Variants in IL10RB observed in about 807,000 individuals in gnomAD.
IL10RB encodes the protein interleukin-10 receptor subunit beta.
In IL10RB, 30 loss-of-function variants were observed where a neutral mutation model predicts 38.7. The ratio of observed to expected loss-of-function variants is 0.78; its 90% CI spans 0.58 to 1.05. IL10RB has a LOEUF of 1.05. IL10RB is among the 50% of genes least tolerant of loss of function. IL10RB has a pLI of 0.00. For synonymous variants in IL10RB, 142 were observed against 145.9 expected, an observed-to-expected ratio of 0.97 and a Z score of 0.19; for missense variants, 328 against 397.1, an observed-to-expected ratio of 0.83 and a Z score of 1.48.
At chr21:33,279,315 T>C (rs1989237282) in intron 3 of IL10RB, among the ~76,000 whole-genome samples, 1 of 152,178 alleles carries the variant, frequency 6.6e-6, no homozygotes, top group Admixed American at 6.5e-5. Flanking sequence ...TAATTATATA[T>C]GTTAAACATG....
chr21:33,270,030 A>G (rs977464158), intron 2 of IL10RB, among the ~76,000 whole-genome samples: 2 of 152,148 alleles, frequency 1.3e-5, no homozygotes, highest in Non-Finnish European at 2.9e-5. Flanking sequence ...TTGTGCTGTA[A>G]TATTTCACTG....
chr21:33,288,585 C>A (rs1989425384), intron 6 of IL10RB, among the ~76,000 whole-genome samples: 2 of 151,958 alleles, frequency 1.3e-5, no homozygotes, highest in African/African-American at 4.8e-5. Context: ...GGTTCTAGGG[C>A]AGGAGGGGAA....
intron 2 of IL10RB, among the ~76,000 whole-genome samples, chr21:33,268,785 A>T (rs1989021494): frequency 6.6e-6 from 1 of 152,186 alleles, no homozygotes; most frequent in South Asian, 2.1e-4. Context: ...ATGCGTATGT[A>T]GATATAATCA....
downstream of IL10RB, among the ~76,000 whole-genome samples, chr21:33,299,934 G>C (rs1441725103): frequency 1.3e-5 from 2 of 152,126 alleles, no homozygotes; most frequent in Admixed American, 6.5e-5. Flanking sequence ...ATTACCTTGT[G>C]CTTCCACAGG....
At chr21:33,302,762 A>C (rs1001803967) in intron 1 of IL10RB, among the ~76,000 whole-genome samples, 1 of 151,964 alleles carries the variant, frequency 6.6e-6, no homozygotes, top group Admixed American at 6.6e-5. Flanking sequence ...CGAGGGGGGG[A>C]TATTTCAGGT....
intron 1 of IL10RB, chr21:33,268,082 T>A: frequency 1.9e-6 from 1 of 533,482 alleles, no homozygotes; most frequent in South Asian, 2.0e-5. Flanking sequence ...GTCTCCAGTT[T>A]GTTTTTACGT....
intron 5 of IL10RB, among the ~76,000 whole-genome samples, chr21:33,284,028 G>T (rs200989724): frequency 6.6e-6 from 1 of 152,328 alleles, no homozygotes; most frequent in East Asian, 1.9e-4. Flanking sequence ...GGACGTGGTG[G>T]CTCACGCCTG....
intron 6 of IL10RB, among the ~76,000 whole-genome samples, chr21:33,292,686 C>T (rs1315896681): frequency 6.6e-6 from 1 of 152,166 alleles, no homozygotes; most frequent in East Asian, 1.9e-4. Flanking sequence ...CAGATGGCCC[C>T]GCCTGACCCC....
chr21:33,287,104 TC>T (rs986800700), intron 5 of IL10RB, among the ~76,000 whole-genome samples: 17 of 151,924 alleles, frequency 1.1e-4, no homozygotes, highest in Non-Finnish European at 2.4e-4. Flanking sequence ...GAGAAAAATA[TC>T]CCTGCGTTGT....
chr21:33,294,077 TCA>T, intron 6 of IL10RB: 2 of 470,964 alleles, frequency 4.2e-6, no homozygotes, highest in Non-Finnish European at 8.8e-6. Flanking sequence ...GCATAAGCTC[TCA>T]CCTCCGAGGC....
In IL10RB at chr21:33,279,770, G is replaced by A; in HGVS notation, c.350G>A (p.Gly117Glu). Residue 117 changes from glycine (G) to glutamate (E), a missense_variant, in exon 4 of 7, where the codon GGA becomes GAA. Transcript: ENST00000290200. ...PVDDTIIGPP[G>E]MQVEVLADSL... is the part of the protein sequence containing the mutation. Reference sequence around the variant, plus strand: ...TGCTTAGCCATTATTGGACCCCCTGGAATGCAAGTAGAAGTACTTGCTGAT... The same window carrying A: ...TGCTTAGCCATTATTGGACCCCCTGAAATGCAAGTAGAAGTACTTGCTGAT... 6.2e-7 allele frequency: 1 copy of A among 1,613,898 alleles called. No homozygotes were observed. Among genetic ancestry groups the A allele is most frequent in the Non-Finnish European group, 8.5e-7 (1 of 1,179,810 alleles).
intron 2 of IL10RB, among the ~76,000 whole-genome samples, chr21:33,272,904 T>G (rs185012180): frequency 1.3e-5 from 2 of 152,346 alleles, no homozygotes. Flanking sequence ...CACTTCACTT[T>G]CTGTCATGTT....
intron 1 of IL10RB, among the ~76,000 whole-genome samples, chr21:33,267,064 C>G (rs532369580): frequency 6.6e-6 from 1 of 152,306 alleles, no homozygotes; most frequent in East Asian, 1.9e-4. Context: ...CCCAGCGCCC[C>G]AGCTCCATGG....
chr21:33,302,762 A>G (rs1001803967), intron 1 of IL10RB, among the ~76,000 whole-genome samples: 1 of 151,964 alleles, frequency 6.6e-6, no homozygotes, highest in African/African-American at 2.4e-5. Flanking sequence ...CGAGGGGGGG[A>G]TATTTCAGGT....
chr21:33,289,209 C>T (rs1989436318), intron 6 of IL10RB, among the ~76,000 whole-genome samples: 1 of 152,242 alleles, frequency 6.6e-6, no homozygotes, highest in Non-Finnish European at 1.5e-5. Flanking sequence ...GAGACAGCAG[C>T]AGCCAGGAGC....
At chr21:33,269,754 G>A (rs28385656) in intron 2 of IL10RB, among the ~76,000 whole-genome samples, 652 of 151,566 alleles carry the variant, frequency 4.3e-3, no homozygotes, top group African/African-American at 0.012. Flanking sequence ...TGCCTCTCGG[G>A]TTCACGCCAT....
chr21:33,268,130 C>T (rs1406421456), intron 1 of IL10RB: 2 of 996,246 alleles, frequency 2.0e-6, no homozygotes, highest in African/African-American at 1.6e-5. Context: ...CCACCCTACC[C>T]CCTCATAGCT....
chr21:33,303,958 T>C (rs967987928), intron 1 of IL10RB, among the ~76,000 whole-genome samples: 2 of 152,038 alleles, frequency 1.3e-5, no homozygotes, highest in Non-Finnish European at 2.9e-5. Context: ...GAGAGGGGCT[T>C]GGGAGGAAAT....
At chr21:33,274,730 C>T (rs773732300) in intron 2 of IL10RB, among the ~76,000 whole-genome samples, 4 of 152,168 alleles carry the variant, frequency 2.6e-5, no homozygotes, top group African/African-American at 4.8e-5. Flanking sequence ...GATGTGCCGT[C>T]CTCCAGGCTT....
Sources: gnomAD v4.1 joint callset for allele counts (sites outside exome capture counted in the v4.1 genomes callset) on GRCh38, gnomAD v4.1.1 for gene constraint, MANE v1.5 for transcripts, NCBI Gene and HGNC (gene_info 2026-07-23, HGNC 2026-07-21) for gene names.